Variants in FGF12 observed in about 807,000 individuals in gnomAD.
The protein encoded by FGF12 is fibroblast growth factor 12, also known as fibroblast growth factor 12B.
Under a neutral mutation model 23.6 loss-of-function variants are expected in FGF12, and 14 were observed. The ratio of observed to expected loss-of-function variants is 0.59; its 90% CI spans 0.39 to 0.93. The LOEUF (loss-of-function observed/expected upper bound fraction) is 0.93. Ranked by LOEUF, FGF12 falls within the 40% of genes least tolerant of loss-of-function variation. The pLI, the probability that FGF12 is intolerant of heterozygous loss-of-function variation, is 0.00. For synonymous variants in FGF12, 62 were observed against 77.3 expected (o/e 0.80, Z 1.04); for missense variants, 175 against 217.8 (o/e 0.80, Z 1.24).
chr3:192,437,506 G>A (rs1013736805), intron 2 of FGF12, among the ~76,000 whole-genome samples: 2 of 151,976 alleles, frequency 1.3e-5, no homozygotes, highest in Non-Finnish European at 2.9e-5. Flanking sequence ...GCCTGACCAA[G>A]ATGGTGAAAC....
chr3:192,699,718 T>C (rs1718234231), intron 2 of FGF12, among the ~76,000 whole-genome samples: 4 of 152,180 alleles, frequency 2.6e-5, no homozygotes. Flanking sequence ...TAGTCAACTC[T>C]AATGAAATAT....
At chr3:192,345,747 G>A (rs1560079115) in intron 3 of FGF12, among the ~76,000 whole-genome samples, 1 of 151,842 alleles carries the variant, frequency 6.6e-6, no homozygotes, top group Non-Finnish European at 1.5e-5. Flanking sequence ...AAGTAGTTGT[G>A]AAGAAAGTAG....
chr3:192,330,337 A>G (rs1227435441), intron 4 of FGF12, among the ~76,000 whole-genome samples: 1 of 152,166 alleles, frequency 6.6e-6, no homozygotes, highest in Non-Finnish European at 1.5e-5. Flanking sequence ...AATGTAGTGG[A>G]AAACTATGGT....
chr3:192,345,686 CAAAAAAA>C lies in FGF12; in HGVS notation c.125-10229_125-10223del, dbSNP rs532522064. ...TGGGCGACAGAGCGAGACTCCGTCT[CAAAAAAA>C]AAAAAAAAAAAGATATAACATAAAA... On this transcript the variant is annotated intron_variant, in intron 3 of 5. Coordinates refer to ENST00000445105, the MANE Select transcript of FGF12 (RefSeq NM_004113.6). Among the ~76,000 whole-genome samples, 4 of 32,638 alleles carry C rather than the reference CAAAAAAA, an allele frequency of 1.2e-4. 2 individuals are homozygous for C. Among genetic ancestry groups the C allele is most frequent in the African/African-American group, 7.2e-4 (2 of 2,768 alleles). 21.4% of individuals were successfully genotyped at this position (32,638 alleles called of 152,430 possible). A position where few individuals can be genotyped will look rare whatever the true frequency, so the allele number is the denominator to read the frequency against.
intron 4 of FGF12, among the ~76,000 whole-genome samples, chr3:192,284,322 T>G (rs1052436752): frequency 6.6e-6 from 1 of 152,136 alleles, no homozygotes; most frequent in Non-Finnish European, 1.5e-5. Flanking sequence ...GTTCAATTAA[T>G]ATTCTTAAAT....
chr3:192,602,164 C>T (rs1714140542), intron 2 of FGF12, among the ~76,000 whole-genome samples: 1 of 152,042 alleles, frequency 6.6e-6, no homozygotes, highest in African/African-American at 2.4e-5. Context: ...CTTATTCTGG[C>T]TTAAGATGTT....
intron 4 of FGF12, among the ~76,000 whole-genome samples, chr3:192,333,428 T>G (rs1257446816): frequency 6.6e-6 from 1 of 152,136 alleles, no homozygotes; most frequent in African/African-American, 2.4e-5. Flanking sequence ...CCTTTTTTAA[T>G]TTTAATTCTT....
At chr3:192,620,887 G>T (rs750541826) in intron 2 of FGF12, among the ~76,000 whole-genome samples, 1 of 152,084 alleles carries the variant, frequency 6.6e-6, no homozygotes, top group African/African-American at 2.4e-5. Flanking sequence ...AGTAAGCTTA[G>T]GTTCTAGGTC....
intron 2 of FGF12, among the ~76,000 whole-genome samples, chr3:192,701,650 A>T (rs1718300427): frequency 6.6e-6 from 1 of 152,134 alleles, no homozygotes; most frequent in Non-Finnish European, 1.5e-5. Context: ...GGTCTCAGAG[A>T]CCATAATTAT....
At chr3:192,534,695 T>C (rs1725184205) in intron 2 of FGF12, among the ~76,000 whole-genome samples, 1 of 152,200 alleles carries the variant, frequency 6.6e-6, no homozygotes, top group Non-Finnish European at 1.5e-5. Flanking sequence ...CTCTTTAGTC[T>C]ATTAAAAATG....
intron 2 of FGF12, among the ~76,000 whole-genome samples, chr3:192,724,237 T>C (rs1719139269): frequency 6.6e-6 from 1 of 152,184 alleles, no homozygotes; most frequent in South Asian, 2.1e-4. Flanking sequence ...TCTGACTCAA[T>C]AGACCTGGAG....
chr3:192,378,723 G>A (rs189359102), intron 2 of FGF12, among the ~76,000 whole-genome samples: 31 of 151,830 alleles, frequency 2.0e-4, no homozygotes, highest in Admixed American at 2.0e-3. Flanking sequence ...TTTAGGGTCC[G>A]GGGGTGCAGG....
intron 4 of FGF12, among the ~76,000 whole-genome samples, chr3:192,275,250 C>A (rs780783520): frequency 3.9e-5 from 6 of 152,112 alleles, no homozygotes; most frequent in Non-Finnish European, 7.4e-5. Context: ...GTTTATTTGA[C>A]CTTTTAAGCA....
At chr3:192,247,688 G>A (rs547434525) in intron 4 of FGF12, among the ~76,000 whole-genome samples, 81 of 152,242 alleles carry the variant, frequency 5.3e-4, no homozygotes, top group African/African-American at 1.9e-3. Flanking sequence ...AATAAGGAAT[G>A]TATGCAAAAT....
intron 2 of FGF12, among the ~76,000 whole-genome samples, chr3:192,677,167 C>T (rs747719106): frequency 1.3e-5 from 2 of 152,182 alleles, no homozygotes; most frequent in African/African-American, 4.8e-5. Flanking sequence ...ACAATAAAGA[C>T]GGCCTGTCAA....
chr3:192,613,989 C>T lies in FGF12; in HGVS notation c.13+113192G>A, dbSNP rs529070123. ...GATGGGTTTCTTATTGAATCAAAGT[C>T]ATAAGAGCATGCTCTCCCCTGGCAT... On this transcript the variant is annotated intron_variant, in intron 2 of 5. Coordinates refer to ENST00000445105, the MANE Select transcript of FGF12 (RefSeq NM_004113.6). Among the ~76,000 whole-genome samples the T allele has an allele frequency of 4.5e-4, 69 of 151,926 alleles. 2 individuals are homozygous for T. The South Asian group carries it at 0.014, about 30-fold the overall frequency.
At chr3:192,201,712 ATATT>A (rs1233867575) in intron 4 of FGF12, among the ~76,000 whole-genome samples, 1 of 152,216 alleles carries the variant, frequency 6.6e-6, no homozygotes, top group Non-Finnish European at 1.5e-5. Context: ...ACTTAAAATC[ATATT>A]TATTTAACTA....
At chr3:192,675,243 C>T (rs982883027) in intron 2 of FGF12, among the ~76,000 whole-genome samples, 1 of 151,372 alleles carries the variant, frequency 6.6e-6, no homozygotes, top group Non-Finnish European at 1.5e-5. Flanking sequence ...TGGCCAATGA[C>T]AGCAATTACG....
chr3:192,466,956 T>C (rs150893671), intron 2 of FGF12, among the ~76,000 whole-genome samples: 106 of 152,338 alleles, frequency 7.0e-4, no homozygotes, highest in African/African-American at 2.5e-3. Context: ...CGCCACATAT[T>C]TTTAGCTATG....
Sources: gnomAD v4.1 joint callset for allele counts (sites outside exome capture counted in the v4.1 genomes callset) on GRCh38, gnomAD v4.1.1 for gene constraint, MANE v1.5 for transcripts, NCBI Gene and HGNC (gene_info 2026-07-23, HGNC 2026-07-21) for gene names.